Variants in FSTL5 observed in about 807,000 individuals in gnomAD.
FSTL5 encodes follistatin-related protein 5.
A neutral mutation model predicts 89.1 loss-of-function variants in FSTL5; 62 were observed. That is an observed-to-expected ratio of 0.70 (90% confidence interval 0.57 to 0.86). The LOEUF (loss-of-function observed/expected upper bound fraction) is 0.86, where lower values mean the gene tolerates loss of function less well. Ranked by LOEUF, FSTL5 falls within the 40% of genes least tolerant of loss-of-function variation. FSTL5 has a pLI of 0.00. For missense variants in FSTL5, 1,057 were observed against 1,001.6 expected, an observed-to-expected ratio of 1.06 and a Z score of -0.75; for synonymous variants, 383 against 346.2, an observed-to-expected ratio of 1.11 and a Z score of -1.18.
intron 5 of FSTL5, among the ~76,000 whole-genome samples, chr4:161,765,955 C>T (rs996325309): frequency 5.9e-5 from 9 of 151,886 alleles, no homozygotes; most frequent in African/African-American, 2.2e-4. Flanking sequence ...CCACCATGCC[C>T]GGCTAATTTT....
At chr4:161,907,761 T>C (rs913923161) in intron 4 of FSTL5, among the ~76,000 whole-genome samples, 1 of 152,072 alleles carries the variant, frequency 6.6e-6, no homozygotes, top group African/African-American at 2.4e-5. Context: ...TAAAACAATA[T>C]GCAGTATCTT....
chr4:162,104,590 G>A (rs1731138468), intron 2 of FSTL5, among the ~76,000 whole-genome samples: 1 of 152,164 alleles, frequency 6.6e-6, no homozygotes, highest in South Asian at 2.1e-4. Context: ...ATACTCTATG[G>A]TGTGCACTAG....
intron 2 of FSTL5, among the ~76,000 whole-genome samples, chr4:162,087,914 C>T (rs905195666): frequency 1.5e-4 from 22 of 151,354 alleles, no homozygotes; most frequent in Non-Finnish European, 2.8e-4. Flanking sequence ...ATTGCTTTGT[C>T]ACAGTTGTTG....
At chr4:161,769,678 A>T (rs377052166) in intron 5 of FSTL5, among the ~76,000 whole-genome samples, 128 of 152,088 alleles carry the variant, frequency 8.4e-4, no homozygotes, top group African/African-American at 3.0e-3. Flanking sequence ...GATAGAAGAA[A>T]TATACAACAA....
rs187010123 is a variant in FSTL5, at chr4:161,646,705, T to A, written c.894+9623A>T. On this transcript the variant is annotated intron_variant, in intron 7 of 15. Coordinates refer to ENST00000306100, the MANE Select transcript of FSTL5 (RefSeq NM_020116.5). Reference sequence around the variant, plus strand: ...TAATTTCAGTTGTTTATTATCTGTCTGTGTTTTTCTCTTCAACAGAATGCC... The same window carrying A: ...TAATTTCAGTTGTTTATTATCTGTCAGTGTTTTTCTCTTCAACAGAATGCC... 1.7e-3 allele frequency among the ~76,000 whole-genome samples: 264 copies of A among 152,282 alleles called. 1 individual carries two copies. The highest frequency in any genetic ancestry group is 6.1e-3 in the African/African-American group (255 of 41,586).
chr4:162,087,472 A>G (rs770158953), intron 2 of FSTL5, among the ~76,000 whole-genome samples: 11 of 152,118 alleles, frequency 7.2e-5, no homozygotes, highest in Non-Finnish European at 1.3e-4. Context: ...CTCATACTTA[A>G]AAATGATTTT....
intron 4 of FSTL5, among the ~76,000 whole-genome samples, chr4:161,784,333 G>T (rs1290862596): frequency 6.6e-6 from 1 of 151,852 alleles, no homozygotes; most frequent in African/African-American, 2.4e-5. Flanking sequence ...GTAATTCTGT[G>T]AATTTATATG....
intron 11 of FSTL5, among the ~76,000 whole-genome samples, chr4:161,504,019 T>G (rs1190165648): frequency 6.6e-6 from 1 of 151,940 alleles, no homozygotes. Context: ...TCACAATTCA[T>G]GCAGAAGCAG....
intron 8 of FSTL5, among the ~76,000 whole-genome samples, chr4:161,570,423 C>T (rs745547164): frequency 1.3e-5 from 2 of 152,108 alleles, no homozygotes; most frequent in Admixed American, 1.3e-4. Flanking sequence ...CTGGATTACA[C>T]TTTCTTTTCT....
At chr4:162,141,322 A>G (rs1210742287) in intron 1 of FSTL5, among the ~76,000 whole-genome samples, 1 of 84,280 alleles carries the variant, frequency 1.2e-5, no homozygotes, top group Non-Finnish European at 2.7e-5. Context: ...TCACCATGTT[A>G]GCCAGGATGG....
At chr4:161,607,226 GA>G (rs561967387) in intron 7 of FSTL5, among the ~76,000 whole-genome samples, 24 of 152,174 alleles carry the variant, frequency 1.6e-4, no homozygotes, top group African/African-American at 5.3e-4. Context: ...AAAATGTAGA[GA>G]AAAAAATCGT....
intron 6 of FSTL5, among the ~76,000 whole-genome samples, chr4:161,689,171 C>T (rs1737840208): frequency 6.6e-6 from 1 of 152,124 alleles, no homozygotes; most frequent in Non-Finnish European, 1.5e-5. Flanking sequence ...CTTAAGAAAG[C>T]CCTCTTCACT....
rs1730652775 is a variant in FSTL5 at position 161,386,515 on chromosome 4, A to C, written c.1842-66T>G. ...AGTTTTTAGCCGTAAGAAAAAAACT[A>C]GATACAGGTGGAAAGGTCCATCGCA... On this transcript the variant is annotated intron_variant, in intron 15 of 15. Coordinates refer to ENST00000306100, the MANE Select transcript of FSTL5 (RefSeq NM_020116.5). 2.7e-6 allele frequency: 3 copies of C among 1,124,574 alleles called. No homozygotes were observed. The South Asian group carries it at 4.7e-5, about 18-fold the overall frequency. 69.7% of individuals were successfully genotyped at this position (1,124,574 alleles called of 1,614,324 possible). A position where few individuals can be genotyped will look rare whatever the true frequency, so the allele number is the denominator to read the frequency against.
intron 3 of FSTL5, among the ~76,000 whole-genome samples, chr4:161,940,318 T>C (rs781201001): frequency 6.6e-5 from 10 of 151,680 alleles, no homozygotes; most frequent in Non-Finnish European, 1.2e-4. Flanking sequence ...AAATACGCTA[T>C]CTGCATAACA....
intron 4 of FSTL5, among the ~76,000 whole-genome samples, chr4:161,917,752 G>GATCC (rs1733880373): frequency 6.6e-6 from 1 of 152,060 alleles, no homozygotes; most frequent in Non-Finnish European, 1.5e-5. Context: ...TTTCTGAAAA[G>GATCC]ATCCACATAA....
At chr4:161,488,080 A>G (rs1465698164) in intron 12 of FSTL5, among the ~76,000 whole-genome samples, 2 of 152,154 alleles carry the variant, frequency 1.3e-5, no homozygotes, top group Non-Finnish European at 2.9e-5. Context: ...ATGATTTGGT[A>G]GCATTGAATA....
chr4:161,884,059 A>AT, intron 4 of FSTL5, among the ~76,000 whole-genome samples: 1 of 43,510 alleles, frequency 2.3e-5, no homozygotes, highest in African/African-American at 4.9e-5. Context: ...CTTTTAATTT[A>AT]ATTTTTTTTG....
chr4:161,572,343 A>AAAAG (rs1553998794), intron 8 of FSTL5, among the ~76,000 whole-genome samples: 14 of 124,512 alleles, frequency 1.1e-4, no homozygotes, highest in East Asian at 2.5e-4. Context: ...AAAAAAAAAA[A>AAAAG]AGAGAGAGAG....
At chr4:161,464,229 A>T (rs984880312) in intron 13 of FSTL5, among the ~76,000 whole-genome samples, 7 of 152,128 alleles carry the variant, frequency 4.6e-5, no homozygotes, top group Non-Finnish European at 7.4e-5. Context: ...GTCGCCGACT[A>T]CACTTTCCTT....
Sources: gnomAD v4.1 joint callset for allele counts (sites outside exome capture counted in the v4.1 genomes callset) on GRCh38, gnomAD v4.1.1 for gene constraint, MANE v1.5 for transcripts, NCBI Gene and HGNC (gene_info 2026-07-23, HGNC 2026-07-21) for gene names.